Variants in FBXO8 observed in about 807,000 individuals in gnomAD.
FBXO8 encodes the protein F-box protein 8, also known as F-box only protein 8.
Under a neutral mutation model 33.4 loss-of-function variants are expected in FBXO8, and 15 were observed. The observed-to-expected ratio is 0.45, with a 90% CI of 0.30 to 0.69. The LOEUF (loss-of-function observed/expected upper bound fraction) is 0.69. FBXO8 is among the 30% of genes least tolerant of loss of function. The pLI is 0.08. For missense variants in FBXO8, 274 were observed against 380.3 expected (o/e 0.72, Z 2.32); for synonymous variants, 132 against 131.5 (o/e 1.00, Z -0.02).
rs1354186491 is a variant in FBXO8, at chr4:174,263,989, T to G, written c.-8-889A>C. Among the ~76,000 whole-genome samples the G allele has an allele frequency of 6.6e-6, 1 of 152,118 alleles. No homozygotes were observed. The highest frequency in any genetic ancestry group is 1.5e-5 in the Non-Finnish European group (1 of 67,996). On this transcript the variant is annotated intron_variant, in intron 1 of 5. Coordinates refer to ENST00000393674, the MANE Select transcript of FBXO8 (RefSeq NM_012180.3). The surrounding 1 kb of genome is among the most constrained non-coding windows in gnomAD (Gnocchi z 4.2). ...CTTTAAATAGCTTTTCTGGAGCAAA[T>G]AAAGTCATTCAGAACAACTAAATCG... is the stretch of plus-strand genomic sequence containing the variant.
intron 1 of FBXO8, among the ~76,000 whole-genome samples, chr4:174,271,120 A>G (rs1469675243): frequency 2.6e-5 from 4 of 152,244 alleles, no homozygotes; most frequent in South Asian, 2.1e-4. Context: ...AGAGAAAAAA[A>G]AGGTAGAAAC....
chr4:174,247,303 T>A lies in FBXO8; in HGVS notation c.457-6085A>T. On this transcript the variant is annotated intron_variant, in intron 3 of 5. Transcript: ENST00000393674. The surrounding 1 kb of genome is among the most constrained non-coding windows in gnomAD (Gnocchi z 4.6). ...AACTGTCACATACTAGGGAGTACCT[T>A]TAATTTTTTTCCTAAAGAACAACAT... Among the ~76,000 whole-genome samples, 1 of 152,044 alleles carries A rather than the reference T, an allele frequency of 6.6e-6. No homozygotes were observed. Among genetic ancestry groups the A allele is most frequent in the East Asian group, 1.9e-4 (1 of 5,186 alleles).
rs569683541 is a variant in FBXO8 at position 174,263,790 on chromosome 4, T to A, written c.-8-690A>T. On this transcript the variant is annotated intron_variant, in intron 1 of 5. Coordinates refer to ENST00000393674, the MANE Select transcript of FBXO8 (RefSeq NM_012180.3). The surrounding 1 kb of genome is among the most constrained non-coding windows in gnomAD (Gnocchi z 4.2). ...AAATTTTCTAATTCTTCTCCACAAA[T>A]CCCTATGGATTCTTCAGAAGTACCT... Among the ~76,000 whole-genome samples, 1 of 152,282 alleles carries A rather than the reference T, an allele frequency of 6.6e-6. No individual in the cohort carries two copies. Among genetic ancestry groups the A allele is most frequent in the East Asian group, 1.9e-4 (1 of 5,186 alleles).
chr4:174,268,725 C>A (rs188774717), intron 1 of FBXO8, among the ~76,000 whole-genome samples: 2 of 152,300 alleles, frequency 1.3e-5, no homozygotes, highest in Admixed American at 1.3e-4. Context: ...CGTGAGCCAC[C>A]GCGCCCGGCC....
At position 174,241,089 on chromosome 4, in the gene FBXO8, T is replaced by G; in HGVS notation, c.575+11A>C. 6.7e-7 allele frequency: 1 copy of G among 1,495,410 alleles called. No individual in the cohort carries two copies. Among genetic ancestry groups the G allele is most frequent in the East Asian group, 2.3e-5 (1 of 44,080 alleles). The allele number at this position is 1,495,410 out of a possible 1,614,324, so 92.6% of individuals were successfully genotyped here. On this transcript the variant is annotated intron_variant, in intron 4 of 5. Coordinates refer to ENST00000393674, the MANE Select transcript of FBXO8 (RefSeq NM_012180.3). This position sits in a 1 kb window ranked among gnomAD's most constrained non-coding sequence, Gnocchi z 4.2. The stretch of plus-strand genomic sequence containing the variant: ...ACTCATTTTGGATGAAAAGTTAATT[T>G]TCGTTTTTACCTTTCATCAAGATAG...
intron 1 of FBXO8, among the ~76,000 whole-genome samples, chr4:174,276,640 G>A (rs1002619993): frequency 1.3e-5 from 2 of 152,136 alleles, no homozygotes; most frequent in African/African-American, 4.8e-5. Context: ...GTGCAGTGGC[G>A]TGTAGATCTT....
At position 174,237,461 on chromosome 4, in the gene FBXO8, A is replaced by G. The variant is rs1735913017; in HGVS notation, c.911T>C (p.Val304Ala). The change falls in exon 6 of 6, where the codon GTA becomes GCA. Residue 304 changes from valine to alanine, a missense_variant. Physicochemically the swap from Val to Ala is moderately conservative, Grantham distance 64. Transcript: ENST00000393674. This position sits in a 1 kb window ranked among gnomAD's most constrained non-coding sequence, Gnocchi z 4.4. ...RAAQNISEDF[V>A]GHLYDNIYLI... ...GTAGATATTGTCATAAAGATGCCCT[A>G]CAAAATCTTCACTAATATTTTGAGC... 1 of 1,613,794 alleles carries G rather than the reference A, an allele frequency of 6.2e-7. No homozygotes were observed. The highest frequency in any genetic ancestry group is 1.1e-5 in the South Asian group (1 of 91,058).
chr4:174,262,677 T>A lies in FBXO8; in HGVS notation c.329+87A>T. ...AGTACAAGCCCAAGTTTAAAGAAAATATTTTGTAATATACATTATAAAAAG... is the reference window on the plus strand; with the variant it reads ...AGTACAAGCCCAAGTTTAAAGAAAAAATTTTGTAATATACATTATAAAAAG... On this transcript the variant is annotated intron_variant, in intron 2 of 5. Transcript: ENST00000393674. This position sits in a 1 kb window ranked among gnomAD's most constrained non-coding sequence, Gnocchi z 4.6. 8.7e-7 allele frequency: 1 copy of A among 1,155,588 alleles called. No individual in the cohort carries two copies. Among genetic ancestry groups the A allele is most frequent in the Non-Finnish European group, 1.2e-6 (1 of 827,508 alleles). 71.6% of individuals were successfully genotyped at this position (1,155,588 alleles called of 1,614,324 possible). A position where few individuals can be genotyped will look rare whatever the true frequency, so the allele number is the denominator to read the frequency against.
At position 174,261,475 on chromosome 4, in the gene FBXO8, CAG is replaced by C. The variant is rs1420911432; in HGVS notation, c.329+1287_329+1288del. On this transcript the variant is annotated intron_variant, in intron 2 of 5. Coordinates refer to ENST00000393674, the MANE Select transcript of FBXO8 (RefSeq NM_012180.3). This position sits in a 1 kb window ranked among gnomAD's most constrained non-coding sequence, Gnocchi z 4.1. ...AACTTTTAAAAAAAGTTCAAACAAA[CAG>C]AAATTAAGTTAGTAAGGAATACTAA... Among the ~76,000 whole-genome samples the C allele has an allele frequency of 6.6e-6, 1 of 151,788 alleles. No homozygotes were observed. Among genetic ancestry groups the C allele is most frequent in the East Asian group, 1.9e-4 (1 of 5,190 alleles).
In FBXO8 at chr4:174,237,695, T is replaced by C. The variant is rs1735918756; in HGVS notation, c.773-96A>G. 9.8e-7 allele frequency: 1 copy of C among 1,023,732 alleles called. No individual in the cohort carries two copies. The allele number at this position is 1,023,732 out of a possible 1,614,324, so 63.4% of individuals were successfully genotyped here. On this transcript the variant is annotated intron_variant, in intron 5 of 5. Coordinates refer to ENST00000393674, the MANE Select transcript of FBXO8 (RefSeq NM_012180.3). The surrounding 1 kb of genome is among the most constrained non-coding windows in gnomAD (Gnocchi z 4.4). ...GGCAAAAATGTTCATAATTTCAAGA[T>C]ATCAAGATTAGCTCATAAATACAGA...
In FBXO8 at chr4:174,251,358, C is replaced by T. The variant is rs980457960; in HGVS notation, c.456+8341G>A. Among the ~76,000 whole-genome samples, 1 of 152,066 alleles carries T rather than the reference C, an allele frequency of 6.6e-6. No individual in the cohort carries two copies. Among genetic ancestry groups the T allele is most frequent in the Admixed American group, 6.6e-5 (1 of 15,244 alleles). On this transcript the variant is annotated intron_variant, in intron 3 of 5. Transcript: ENST00000393674. This position sits in a 1 kb window ranked among gnomAD's most constrained non-coding sequence, Gnocchi z 4.2. ...CCAGATAAAGATTAGAAGAGGGCCTCGGAAATTTGTCTTTCTTTCAAGTTT... is the reference window on the plus strand; with the variant it reads ...CCAGATAAAGATTAGAAGAGGGCCTTGGAAATTTGTCTTTCTTTCAAGTTT...
At chr4:174,242,164 A>G (rs1171915103) in intron 3 of FBXO8, among the ~76,000 whole-genome samples, 1 of 151,618 alleles carries the variant, frequency 6.6e-6, no homozygotes, top group Non-Finnish European at 1.5e-5. Flanking sequence ...ATGTGCCGTT[A>G]ATTGGCAGAG....
rs1050728936 is a variant in FBXO8, at chr4:174,237,914, T to C, written c.773-315A>G. Among the ~76,000 whole-genome samples, 3 of 152,170 alleles carry C rather than the reference T, an allele frequency of 2.0e-5. No homozygotes were observed. The South Asian group carries it at 6.2e-4, about 32-fold the overall frequency. On this transcript the variant is annotated intron_variant, in intron 5 of 5. Transcript: ENST00000393674. The surrounding 1 kb of genome is among the most constrained non-coding windows in gnomAD (Gnocchi z 4.4). ...TGTATAGTAAAAATTCATTCTAGATTTAAAAAATTTAGAATTGGCTTTATT... is the reference window on the plus strand; with the variant it reads ...TGTATAGTAAAAATTCATTCTAGATCTAAAAAATTTAGAATTGGCTTTATT...
chr4:174,240,325 A>G (rs938156444), intron 4 of FBXO8, among the ~76,000 whole-genome samples: 3 of 151,656 alleles, frequency 2.0e-5, no homozygotes, highest in African/African-American at 7.3e-5. Flanking sequence ...GTGTGCTACT[A>G]CTCTAGCAAA....
Position 174,263,247 on chromosome 4 carries a change from G to C in FBXO8, c.-8-147C>G, listed in dbSNP as rs750112234. ...ACTAAAACCAGAAGTATATTACTAA[G>C]AATAGCTGGAAAATTATAAGTGCAA... On this transcript the variant is annotated intron_variant, in intron 1 of 5. Coordinates refer to ENST00000393674, the MANE Select transcript of FBXO8 (RefSeq NM_012180.3). This position sits in a 1 kb window ranked among gnomAD's most constrained non-coding sequence, Gnocchi z 4.2. 3.1e-5 allele frequency: 23 copies of C among 730,238 alleles called. No individual in the cohort carries two copies. Among genetic ancestry groups the C allele is most frequent in the Non-Finnish European group, 4.6e-5 (21 of 460,536 alleles). 45.2% of individuals were successfully genotyped at this position (730,238 alleles called of 1,614,324 possible). A position where few individuals can be genotyped will look rare whatever the true frequency, so the allele number is the denominator to read the frequency against.
rs748541604 is a variant in FBXO8 at position 174,281,449 on chromosome 4, A to G, written c.-9+1961T>C. 2.0e-5 allele frequency among the ~76,000 whole-genome samples: 3 copies of G among 152,166 alleles called. No homozygotes were observed. Among genetic ancestry groups the G allele is most frequent in the Non-Finnish European group, 4.4e-5 (3 of 68,024 alleles). On this transcript the variant is annotated intron_variant, in intron 1 of 5. Coordinates refer to ENST00000393674, the MANE Select transcript of FBXO8 (RefSeq NM_012180.3). This position sits in a 1 kb window ranked among gnomAD's most constrained non-coding sequence, Gnocchi z 4.6. ...CAGTGGCTCACACCTATGATTCCTG[A>G]ACCTTGGGAGGCTGTGGAAGGAGGA... is the stretch of plus-strand genomic sequence containing the variant.
In FBXO8 at chr4:174,261,256, T is replaced by C. The variant is rs1290773302; in HGVS notation, c.330-1431A>G. On this transcript the variant is annotated intron_variant, in intron 2 of 5. Coordinates refer to ENST00000393674, the MANE Select transcript of FBXO8 (RefSeq NM_012180.3). This position sits in a 1 kb window ranked among gnomAD's most constrained non-coding sequence, Gnocchi z 4.1. ...CTTCCCAACATCAATGAGTATTCAA[T>C]ACATCCAAAGTTGAAATTAAAACTA... Among the ~76,000 whole-genome samples the C allele has an allele frequency of 6.6e-6, 1 of 151,966 alleles. No homozygotes were observed. Among genetic ancestry groups the C allele is most frequent in the Non-Finnish European group, 1.5e-5 (1 of 67,856 alleles).
At chr4:174,258,216 C>T (rs994506921) in intron 3 of FBXO8, among the ~76,000 whole-genome samples, 2 of 152,018 alleles carry the variant, frequency 1.3e-5, no homozygotes, top group African/African-American at 2.4e-5. Flanking sequence ...AAAAAAGTGA[C>T]GTTCTTATGT....
chr4:174,269,385 C>T (rs1354891318), intron 1 of FBXO8, among the ~76,000 whole-genome samples: 1 of 151,726 alleles, frequency 6.6e-6, no homozygotes, highest in Non-Finnish European at 1.5e-5. Flanking sequence ...CCTTATTTTT[C>T]AGAATGGTAA....
Sources: allele counts gnomAD v4.1 joint callset (sites outside exome capture counted in the v4.1 genomes callset), GRCh38; gene constraint gnomAD v4.1.1; non-coding constraint Gnocchi (gnomAD v3.1); transcripts MANE v1.5; gene names NCBI Gene and HGNC (gene_info 2026-07-23, HGNC 2026-07-21).